ITIH5: variants seen among roughly 807,000 people sequenced by gnomAD.
The protein encoded by ITIH5 is inter-alpha-trypsin inhibitor heavy chain 5.
Under a neutral mutation model 77.5 loss-of-function variants are expected in ITIH5, and 65 were observed. The ratio of observed to expected loss-of-function variants is 0.84; its 90% confidence interval spans 0.69 to 1.03. The LOEUF is 1.03. Ranked by LOEUF, ITIH5 falls within the 50% of genes least tolerant of loss-of-function variation. ITIH5 has a pLI of 0.00. For synonymous variants in ITIH5, 525 were observed against 494.3 expected (o/e 1.06, Z -0.82); for missense variants, 1,208 against 1,213.1 (o/e 1.00, Z 0.06).
At chr10:7,595,463 C>T (rs896467778) in intron 7 of ITIH5, among the ~76,000 whole-genome samples, 4 of 152,076 alleles carry the variant, frequency 2.6e-5, no homozygotes, top group African/African-American at 9.7e-5. Context: ...CTGTTTAATA[C>T]TATTTTATGG....
At chr10:7,598,116 G>GA (rs1334475600) in intron 7 of ITIH5, among the ~76,000 whole-genome samples, 5 of 152,192 alleles carry the variant, frequency 3.3e-5, no homozygotes, top group Admixed American at 1.3e-4. Context: ...AGGGGGTTAT[G>GA]AAAATGCCTA....
At chr10:7,584,457 C>T (rs1031156344) in intron 8 of ITIH5, among the ~76,000 whole-genome samples, 7 of 152,050 alleles carry the variant, frequency 4.6e-5, no homozygotes, top group African/African-American at 1.7e-4. Context: ...GCACCCGCCA[C>T]CACACCCGGC....
At chr10:7,570,098 C>T in intron 11 of ITIH5, 1 of 196,856 alleles carries the variant, frequency 5.1e-6, no homozygotes, top group Admixed American at 5.8e-5. Context: ...AAGAGAGATC[C>T]CCACACACCT....
intron 1 of ITIH5, among the ~76,000 whole-genome samples, chr10:7,664,745 T>C (rs954353470): frequency 6.6e-6 from 1 of 152,382 alleles, no homozygotes; most frequent in African/African-American, 2.4e-5. Flanking sequence ...AAAATTTGCA[T>C]AAGATTTGCA....
rs1189070011 is a variant in ITIH5 at position 7,566,171 on chromosome 10, C to T, written c.2386G>A (p.Val796Ile). Residue 796 changes from valine to isoleucine, a missense_variant, in exon 13 of 14, where the codon GTC (valine) becomes ATC (isoleucine). Coordinates refer to ENST00000397146, the MANE Select transcript of ITIH5 (RefSeq NM_030569.7). ...ATGGAGCCCTGGATGGTGACGGTGA[C>T]ATTGGCGTTGGCAGACACGGACACC... ...LEVSVSANAN[V>I]TVTIQGSIAF... 2 of 1,614,082 alleles carry T rather than the reference C, an allele frequency of 1.2e-6. No homozygotes were observed. The highest frequency in any genetic ancestry group is 1.7e-5 in the Admixed American group (1 of 59,996).
intron 7 of ITIH5, among the ~76,000 whole-genome samples, chr10:7,601,430 G>A (rs1833013395): frequency 1.3e-5 from 2 of 152,174 alleles, no homozygotes; most frequent in African/African-American, 2.4e-5. Context: ...GAGTTTGCCA[G>A]GCCATTGCTA....
intron 7 of ITIH5, among the ~76,000 whole-genome samples, chr10:7,609,162 A>G (rs138137706): frequency 6.6e-6 from 1 of 152,338 alleles, no homozygotes; most frequent in African/African-American, 2.4e-5. Context: ...TAAAATAGGG[A>G]GAGCAATGTT....
chr10:7,597,721 T>C (rs115084014), intron 7 of ITIH5, among the ~76,000 whole-genome samples: 11,997 of 152,104 alleles, frequency 0.079, 518 homozygotes, highest in Middle Eastern at 0.11. Flanking sequence ...TGCCAAGGGA[T>C]GTCCCCAGGC....
chr10:7,661,272 G>A (rs1034138825), intron 1 of ITIH5, among the ~76,000 whole-genome samples: 1 of 152,110 alleles, frequency 6.6e-6, no homozygotes, highest in Admixed American at 6.5e-5. Context: ...TTACACCAAG[G>A]CCAGCTTCAG....
intron 1 of ITIH5, among the ~76,000 whole-genome samples, chr10:7,657,473 G>GA (rs144696686): frequency 0.062 from 9,088 of 146,140 alleles, 900 homozygotes; most frequent in African/African-American, 0.21. Context: ...AATACTGATA[G>GA]AAAAAAAAAA....
At chr10:7,664,014 A>G (rs1334611474) in intron 1 of ITIH5, among the ~76,000 whole-genome samples, 1 of 152,244 alleles carries the variant, frequency 6.6e-6, no homozygotes, top group Non-Finnish European at 1.5e-5. Context: ...ATTTAAGCTA[A>G]CAAAACAGAT....
intron 5 of ITIH5, among the ~76,000 whole-genome samples, chr10:7,623,686 C>T (rs1306554760): frequency 6.6e-6 from 1 of 151,622 alleles, no homozygotes; most frequent in African/African-American, 2.4e-5. Context: ...GCCTGTAGTC[C>T]CAGCTACTCA....
chr10:7,631,026 G>A (rs1267697596), intron 5 of ITIH5, among the ~76,000 whole-genome samples: 1 of 146,064 alleles, frequency 6.8e-6, no homozygotes, highest in Non-Finnish European at 1.5e-5. Flanking sequence ...TTGGAAATGG[G>A]GTCAAGCAGC....
intron 11 of ITIH5, among the ~76,000 whole-genome samples, chr10:7,570,796 A>AT (rs988117419): frequency 1.4e-4 from 21 of 151,366 alleles, no homozygotes; most frequent in African/African-American, 4.1e-4. Flanking sequence ...CTAATTTTTT[A>AT]TTTTTTGTAG....
Position 7,637,426 on chromosome 10 carries a change from T to C in ITIH5, c.454A>G (p.Lys152Glu). The C allele has an allele frequency of 6.2e-7, 1 of 1,613,996 alleles. No homozygotes were observed. Among genetic ancestry groups the C allele is most frequent in the Non-Finnish European group, 8.5e-7 (1 of 1,179,870 alleles). Residue 152 changes from lysine (K) to glutamate (E), a missense_variant, in exon 5 of 14, where the codon AAA becomes GAA. Coordinates refer to ENST00000397146, the MANE Select transcript of ITIH5 (RefSeq NM_030569.7). ...RASAVIPSKD[K>E]AAFFLSYEEL... ...TCATAACTCAGGAAAAAGGCGGCTTTGTCCTTGCTGGGAATCACTGCAGAA... is the reference window on the plus strand; with the variant it reads ...TCATAACTCAGGAAAAAGGCGGCTTCGTCCTTGCTGGGAATCACTGCAGAA...
chr10:7,563,282 G>T lies in ITIH5; in HGVS notation c.2630C>A (p.Ala877Asp). Residue 877 changes from alanine to aspartate, a missense_variant, in exon 14 of 14, where the codon GCC becomes GAC. Ala to Asp is a moderately radical substitution (Grantham distance 126). Coordinates refer to ENST00000397146, the MANE Select transcript of ITIH5 (RefSeq NM_030569.7). ...LLLQVGEGPE[A>D]VLTVKGHQVP... ...TTGGTGGCCTTTCACTGTTAGGACG[G>T]CCTCAGGCCCCTCTCCCACCTGAAG... 6.2e-7 allele frequency: 1 copy of T among 1,614,204 alleles called. No homozygotes were observed. The highest frequency in any genetic ancestry group is 8.5e-7 in the Non-Finnish European group (1 of 1,180,028).
Position 7,599,354 on chromosome 10 carries a change from G to A in ITIH5, c.940-13285C>T, listed in dbSNP as rs375414906. Among the ~76,000 whole-genome samples, 4 of 152,192 alleles carry A rather than the reference G, an allele frequency of 2.6e-5. No homozygotes were observed. The East Asian group carries it at 5.8e-4, about 22-fold the overall frequency. ...CCAGGCATGGCTGCTTGCTCTAATA[G>A]GAAGTAAGAGGATGATGCTGACCAA... On this transcript the variant is annotated intron_variant, in intron 7 of 13. Coordinates refer to ENST00000397146, the MANE Select transcript of ITIH5 (RefSeq NM_030569.7).
At chr10:7,616,544 T>C (rs1303208140) in intron 6 of ITIH5, among the ~76,000 whole-genome samples, 7 of 152,184 alleles carry the variant, frequency 4.6e-5, no homozygotes, top group Admixed American at 6.5e-5. Context: ...AAATGGAACA[T>C]GGACCAAGCG....
intron 10 of ITIH5, among the ~76,000 whole-genome samples, chr10:7,574,858 C>T (rs1832377344): frequency 1.3e-5 from 2 of 150,342 alleles, no homozygotes; most frequent in African/African-American, 4.9e-5. Flanking sequence ...ATCTCCTCCT[C>T]TGTCTTTCTG....
Sources: allele counts gnomAD v4.1 joint callset (sites outside exome capture counted in the v4.1 genomes callset), GRCh38; gene constraint gnomAD v4.1.1; transcripts MANE v1.5; gene names NCBI Gene and HGNC (gene_info 2026-07-23, HGNC 2026-07-21).